The following GOLGB1 variants were observed in gnomAD, a reference collection of about 807,000 sequenced individuals.
GOLGB1 encodes golgin B1.
GOLGB1 carries 174 observed loss-of-function variants against 336.9 expected under a neutral mutation model. The ratio of observed to expected loss-of-function variants is 0.52; its 90% CI spans 0.46 to 0.59. The LOEUF is 0.59. Among genes scored for constraint, GOLGB1 ranks in the 20% least tolerant of loss-of-function variants. The probability of loss-of-function intolerance (pLI) is 0.00; values close to 1 mark genes in which losing one functional copy is unlikely to be tolerated. For synonymous variants in GOLGB1, 1,208 were observed against 1,289.2 expected, an observed-to-expected ratio of 0.94 and a Z score of 1.35; for missense variants, 3,331 against 3,645.3, an observed-to-expected ratio of 0.91 and a Z score of 2.22.
chr3:121,677,510 C>T (rs562618828), intron 15 of GOLGB1, 60 bp from the exon 16 acceptor site: 132 of 1,135,504 alleles, frequency 1.2e-4, no homozygotes, highest in East Asian at 3.8e-4. Context: ...CATGGTAGCT[C>T]GCACCTGTAA....
At position 121,722,330 on chromosome 3, in the gene GOLGB1, C is replaced by G. The variant is rs746696083; in HGVS notation, c.580G>C (p.Glu194Gln). The G allele has an allele frequency of 2.5e-6, 4 of 1,612,614 alleles. No homozygotes were observed. In the East Asian group the frequency reaches 8.9e-5, roughly 36 times the overall value. ...AAAGTGCTAATGAATTCTTCCTTCT[C>G]CTGGAGCTGTTGCTTCATCATTACA... ...EFVMMKQQLQEKEEFISTLQA... is the reference protein window; with the variant it reads ...EFVMMKQQLQQKEEFISTLQA... Residue 194 changes from glutamate (E) to glutamine (Q), a missense_variant, in exon 6 of 22, where the codon GAG becomes CAG. Transcript: ENST00000614479.
intron 4 of GOLGB1, among the ~76,000 whole-genome samples, chr3:121,728,460 GAT>G (rs1431601482): frequency 6.6e-6 from 1 of 152,204 alleles, no homozygotes; most frequent in Non-Finnish European, 1.5e-5. Flanking sequence ...GTATGCATGT[GAT>G]ATGCCTGCCT....
rs1293469178 is a variant in GOLGB1 at position 121,730,919 on chromosome 3, C to G, written c.53G>C (p.Gly18Ala). 1.2e-6 allele frequency: 2 copies of G among 1,612,306 alleles called. No homozygotes were observed. The highest frequency in any genetic ancestry group is 1.3e-5 in the African/African-American group (1 of 74,870). Residue 18 changes from glycine to alanine, a missense_variant, in exon 2 of 22, where the codon GGA becomes GCA. Coordinates refer to ENST00000614479, the MANE Select transcript of GOLGB1 (RefSeq NM_001366282.2). ...LANVVLHELS[G>A]DDDTDQNMRA... Reference sequence around the variant, plus strand: ...CATATTCTGATCAGTGTCATCATCTCCTGATAATTCATGCAAAACAACATT... The same window carrying G: ...CATATTCTGATCAGTGTCATCATCTGCTGATAATTCATGCAAAACAACATT...
chr3:121,670,400 C>T (rs1939329525), intron 17 of GOLGB1, among the ~76,000 whole-genome samples: 1 of 152,102 alleles, frequency 6.6e-6, no homozygotes, highest in South Asian at 2.1e-4. Flanking sequence ...CGACAGTTTT[C>T]TAGAGACAAC....
chr3:121,669,828 T>C (rs1939232571), intron 17 of GOLGB1, among the ~76,000 whole-genome samples: 1 of 152,204 alleles, frequency 6.6e-6, no homozygotes. Context: ...TAAAGAGTTA[T>C]AAGTTACTGA....
chr3:121,689,210 G>A (rs931739350), intron 14 of GOLGB1, among the ~76,000 whole-genome samples: 1 of 152,322 alleles, frequency 6.6e-6, no homozygotes, highest in East Asian at 1.9e-4. Flanking sequence ...GAATAGAAAG[G>A]GGGGAAAGGT....
In GOLGB1 at chr3:121,670,759, G is replaced by C. The variant is rs58370282; in HGVS notation, c.9178-1404C>G. On this transcript the variant is annotated intron_variant, in intron 17 of 21. Transcript: ENST00000614479. ...GAAAATCATAGGGTTTTCTTTTGGG[G>C]GGGGGGGTGTGGGAGGAGGTGGGAA... is the stretch of plus-strand genomic sequence containing the variant. Among the ~76,000 whole-genome samples the C allele has an allele frequency of 1.3e-4, 19 of 149,712 alleles. 1 individual carries two copies. Among genetic ancestry groups the C allele is most frequent in the African/African-American group, 2.2e-4 (9 of 40,790 alleles).
intron 1 of GOLGB1, among the ~76,000 whole-genome samples, chr3:121,738,817 T>G (rs1178942095): frequency 6.6e-6 from 1 of 152,008 alleles, no homozygotes; most frequent in East Asian, 1.9e-4. Context: ...CAGGTGAAAG[T>G]GGCAAGGAAA....
At position 121,696,532 on chromosome 3, in the gene GOLGB1, T is replaced by A; in HGVS notation, c.3991A>T (p.Ser1331Cys). 2 of 1,614,198 alleles carry A rather than the reference T, an allele frequency of 1.2e-6. No homozygotes were observed. The highest frequency in any genetic ancestry group is 1.7e-6 in the Non-Finnish European group (2 of 1,180,012). The change falls in exon 13 of 22, where the codon AGT becomes TGT. Residue 1331 changes from serine (S) to cysteine (C), a missense_variant. Coordinates refer to ENST00000614479, the MANE Select transcript of GOLGB1 (RefSeq NM_001366282.2). The part of the protein sequence containing the change: ...AEKVELELKV[S>C]STTSELTKKS... ...TTAGTAAGCTCACTTGTTGTAGAACTAACTTTCAATTCTAACTCTACTTTC... is the reference window on the plus strand; with the variant it reads ...TTAGTAAGCTCACTTGTTGTAGAACAAACTTTCAATTCTAACTCTACTTTC...
At chr3:121,685,258 C>T (rs776184876) in intron 14 of GOLGB1, among the ~76,000 whole-genome samples, 3 of 152,190 alleles carry the variant, frequency 2.0e-5, no homozygotes, top group East Asian at 3.9e-4. Flanking sequence ...ACACACTGGC[C>T]GGGTGCAGTG....
chr3:121,690,927 G>T lies in GOLGB1; in HGVS notation c.8437C>A (p.Gln2813Lys). 1 of 1,614,130 alleles carries T rather than the reference G, an allele frequency of 6.2e-7. No homozygotes were observed. The highest frequency in any genetic ancestry group is 8.5e-7 in the Non-Finnish European group (1 of 1,179,960). Residue 2813 changes from glutamine to lysine, a missense_variant, in exon 14 of 22, where the codon CAA (glutamine) becomes AAA (lysine). Coordinates refer to ENST00000614479, the MANE Select transcript of GOLGB1 (RefSeq NM_001366282.2). ...TGCTCATCTTTGGATAGGAGCTGTT[G>T]GTTAAGTTTCTCAAGGTGAGACAAG... ...NSLSHLEKLN[Q>K]QLLSKDEQLL... is the part of the protein sequence containing the mutation.
At chr3:121,744,685 A>T (rs1359728111) in intron 1 of GOLGB1, among the ~76,000 whole-genome samples, 2 of 152,004 alleles carry the variant, frequency 1.3e-5, no homozygotes, top group African/African-American at 4.8e-5. Context: ...AAGGAAAAAT[A>T]GATTACTTTT....
chr3:121,704,657 T>C (rs1312848885), intron 10 of GOLGB1, among the ~76,000 whole-genome samples: 3 of 150,866 alleles, frequency 2.0e-5, no homozygotes, highest in Non-Finnish European at 4.4e-5. Flanking sequence ...ACGCCTGTAA[T>C]CCCAGCTACT....
chr3:121,688,791 C>T (rs1942070148), intron 14 of GOLGB1, among the ~76,000 whole-genome samples: 1 of 151,466 alleles, frequency 6.6e-6, no homozygotes, highest in Non-Finnish European at 1.5e-5. Context: ...AGCGCCTCTG[C>T]TCCGCCGCCC....
chr3:121,675,967 G>A (rs920543936), intron 17 of GOLGB1, among the ~76,000 whole-genome samples: 3 of 152,172 alleles, frequency 2.0e-5, no homozygotes, highest in Admixed American at 2.0e-4. Context: ...GGAACTTCCG[G>A]AAATAGCTGA....
chr3:121,672,443 T>C (rs1393066387), intron 17 of GOLGB1, among the ~76,000 whole-genome samples: 1 of 152,256 alleles, frequency 6.6e-6, no homozygotes, highest in Admixed American at 6.5e-5. Flanking sequence ...GAGAAACGTC[T>C]ATTCAGATCT....
intron 1 of GOLGB1, among the ~76,000 whole-genome samples, chr3:121,734,339 G>C (rs1946333046): frequency 1.4e-5 from 2 of 140,676 alleles, no homozygotes; most frequent in Non-Finnish European, 3.0e-5. Context: ...GCAGTGAGCT[G>C]AGATCATGCC....
chr3:121,729,972 C>T lies in GOLGB1; in HGVS notation c.142G>A (p.Glu48Lys). Residue 48 changes from glutamate to lysine, a missense_variant, in exon 3 of 22, where the codon GAA (glutamate) becomes AAA (lysine). Physicochemically the swap from Glu to Lys is moderately conservative, Grantham distance 56. Coordinates refer to ENST00000614479, the MANE Select transcript of GOLGB1 (RefSeq NM_001366282.2). ...SDMEFNNTTQ[E>K]DVQERLAYAE... ...TAAGCCAGGCGCTCCTGAACATCTT[C>T]TTGTGTAGTATTATTAAATTCCATG... is the stretch of plus-strand genomic sequence containing the variant. The T allele has an allele frequency of 6.2e-7, 1 of 1,611,544 alleles. No individual in the cohort carries two copies. Among genetic ancestry groups the T allele is most frequent in the Non-Finnish European group, 8.5e-7 (1 of 1,177,768 alleles).
intron 15 of GOLGB1, among the ~76,000 whole-genome samples, chr3:121,677,870 C>T (rs1218875427): frequency 1.3e-5 from 2 of 152,088 alleles, no homozygotes; most frequent in South Asian, 2.1e-4. Flanking sequence ...TGATACGGTA[C>T]CAATCACCTT....
Sources: gnomAD v4.1 joint callset for allele counts (sites outside exome capture counted in the v4.1 genomes callset) on GRCh38, gnomAD v4.1.1 for gene constraint, MANE v1.5 for transcripts, NCBI Gene and HGNC (gene_info 2026-07-23, HGNC 2026-07-21) for gene names.